VAV3: variants seen among roughly 807,000 people sequenced by gnomAD.
The protein encoded by VAV3 is guanine nucleotide exchange factor VAV3.
VAV3 carries 94 observed loss-of-function variants against 131.2 expected under a neutral mutation model. The ratio of observed to expected loss-of-function variants is 0.72; its 90% CI spans 0.61 to 0.85. VAV3 has a LOEUF of 0.85. Ranked by LOEUF, VAV3 falls within the 40% of genes least tolerant of loss-of-function variation. The pLI is 0.00. For missense variants in VAV3, 939 were observed against 1,002.7 expected (o/e 0.94, Z 0.86); for synonymous variants, 349 against 342.0 (o/e 1.02, Z -0.22).
intron 25 of VAV3, among the ~76,000 whole-genome samples, chr1:107,577,281 T>C (rs1649726849): frequency 6.6e-6 from 1 of 152,202 alleles, no homozygotes; most frequent in Admixed American, 6.5e-5. Context: ...GACTCCAGGG[T>C]ACCTGCTCTT....
At chr1:107,753,317 T>C (rs529260675) in intron 12 of VAV3, among the ~76,000 whole-genome samples, 3 of 151,506 alleles carry the variant, frequency 2.0e-5, no homozygotes, top group African/African-American at 7.3e-5. Flanking sequence ...AAGAGAAGAA[T>C]GGGAAGTTCA....
intron 2 of VAV3, among the ~76,000 whole-genome samples, chr1:107,803,499 C>T (rs923459040): frequency 2.0e-5 from 3 of 152,016 alleles, no homozygotes; most frequent in African/African-American, 4.8e-5. Flanking sequence ...TTAATTTATT[C>T]ATTGACCCTT....
intron 19 of VAV3, among the ~76,000 whole-genome samples, chr1:107,659,740 G>A (rs916685414): frequency 6.6e-6 from 1 of 152,120 alleles, no homozygotes; most frequent in Non-Finnish European, 1.5e-5. Flanking sequence ...TTAAGGATAT[G>A]CTGTTACCCG....
At chr1:107,633,235 A>G (rs1201130530) in intron 20 of VAV3, among the ~76,000 whole-genome samples, 1 of 151,184 alleles carries the variant, frequency 6.6e-6, no homozygotes, top group African/African-American at 2.5e-5. Flanking sequence ...AAGGTTTAAG[A>G]AAAAAAAGAT....
chr1:107,755,296 C>G, intron 12 of VAV3, 131 bp downstream of exon 12: 1 of 699,992 alleles, frequency 1.4e-6, no homozygotes, highest in Non-Finnish European at 2.4e-6. Flanking sequence ...TGAACACTGC[C>G]AAACAAAGGG....
intron 13 of VAV3, 128 bp downstream of exon 13, chr1:107,750,989 G>A: frequency 2.4e-6 from 2 of 847,976 alleles, no homozygotes; most frequent in South Asian, 3.4e-5. Flanking sequence ...AGAAATCATG[G>A]GTTGGTCTGT....
intron 1 of VAV3, among the ~76,000 whole-genome samples, chr1:107,962,810 A>G (rs79954099): frequency 2.6e-5 from 4 of 152,388 alleles, no homozygotes; most frequent in African/African-American, 9.6e-5. Context: ...AACGGCACAA[A>G]GAAGGTCATT....
At chr1:107,908,504 G>A (rs2101110409) in intron 1 of VAV3, among the ~76,000 whole-genome samples, 1 of 152,228 alleles carries the variant, frequency 6.6e-6, no homozygotes, top group South Asian at 2.1e-4. Context: ...TAGTATGTGA[G>A]ATGATAAGTG....
Position 107,762,599 on chromosome 1 carries a change from G to T in VAV3, c.922-1720C>A, listed in dbSNP as rs72979677. Among the ~76,000 whole-genome samples, 1,038 of 152,160 alleles carry T rather than the reference G, an allele frequency of 6.8e-3. 10 individuals are homozygous for T. Among genetic ancestry groups the T allele is most frequent in the African/African-American group, 0.024 (987 of 41,492 alleles). ...TCCTCTGCTGCATTTTAAGGCCCTT[G>T]GAATTAAGGTTGTAGCTTATATTTC... On this transcript the variant is annotated intron_variant, in intron 9 of 26. Transcript: ENST00000370056.
chr1:107,624,838 G>T (rs1186651897), intron 20 of VAV3, among the ~76,000 whole-genome samples: 1 of 152,118 alleles, frequency 6.6e-6, no homozygotes, highest in Non-Finnish European at 1.5e-5. Context: ...TACATACTAA[G>T]GAATTAAAAA....
chr1:107,777,195 G>A (rs1303815573), intron 4 of VAV3, 36 bp downstream of exon 4: 1 of 1,570,658 alleles, frequency 6.4e-7, no homozygotes. Flanking sequence ...ACATAAATTG[G>A]CAGTGGCTAA....
chr1:107,610,400 TTTA>T (rs1652640052), intron 21 of VAV3, among the ~76,000 whole-genome samples: 1 of 152,134 alleles, frequency 6.6e-6, no homozygotes, highest in African/African-American at 2.4e-5. Flanking sequence ...TATTTTATTA[TTTA>T]TTATCAAGGC....
At chr1:107,825,365 C>T (rs927971359) in intron 2 of VAV3, among the ~76,000 whole-genome samples, 4 of 150,258 alleles carry the variant, frequency 2.7e-5, no homozygotes, top group Non-Finnish European at 5.9e-5. Context: ...AATGCAGAAA[C>T]AAAGAGAAAA....
intron 19 of VAV3, among the ~76,000 whole-genome samples, chr1:107,666,412 G>A (rs1024043298): frequency 4.6e-5 from 7 of 152,156 alleles, no homozygotes; most frequent in Non-Finnish European, 8.8e-5. Context: ...GGAAATTGGT[G>A]TGTGGGCTTT....
chr1:107,795,944 G>T lies in VAV3; in HGVS notation c.322-16452C>A, dbSNP rs550803617. Among the ~76,000 whole-genome samples the T allele has an allele frequency of 6.6e-5, 10 of 152,270 alleles. No individual in the cohort carries two copies. In the South Asian group the frequency reaches 2.1e-3, roughly 32 times the overall value. On this transcript the variant is annotated intron_variant, in intron 2 of 26. Coordinates refer to ENST00000370056, the MANE Select transcript of VAV3 (RefSeq NM_006113.5). Reference sequence around the variant, plus strand: ...ATTCCCATACTGATCTCACCTCATTGCTAACGCCCATCCCATTAAATCCTA... The same window carrying T: ...ATTCCCATACTGATCTCACCTCATTTCTAACGCCCATCCCATTAAATCCTA...
intron 1 of VAV3, among the ~76,000 whole-genome samples, chr1:107,940,535 G>A (rs901624502): frequency 5.9e-5 from 9 of 152,120 alleles, no homozygotes; most frequent in Admixed American, 1.3e-4. Flanking sequence ...GGATGCCTGC[G>A]AAACTATGCC....
chr1:107,942,977 T>C (rs1298499335), intron 1 of VAV3, among the ~76,000 whole-genome samples: 1 of 152,242 alleles, frequency 6.6e-6, no homozygotes, highest in African/African-American at 2.4e-5. Context: ...GAGGAACTTC[T>C]GTTGGGGTAT....
chr1:107,652,744 G>A (rs1656268602), intron 19 of VAV3, among the ~76,000 whole-genome samples: 1 of 152,022 alleles, frequency 6.6e-6, no homozygotes, highest in African/African-American at 2.4e-5. Context: ...ACTGCCACTT[G>A]ATCATTAGTT....
chr1:107,819,382 G>T (rs1479487321), intron 2 of VAV3, among the ~76,000 whole-genome samples: 1 of 151,884 alleles, frequency 6.6e-6, no homozygotes, highest in Non-Finnish European at 1.5e-5. Context: ...AAGAGAAAAT[G>T]ATATTAGAGA....
Sources: gnomAD v4.1 joint callset for allele counts (sites outside exome capture counted in the v4.1 genomes callset) on GRCh38, gnomAD v4.1.1 for gene constraint, MANE v1.5 for transcripts, NCBI Gene and HGNC (gene_info 2026-07-23, HGNC 2026-07-21) for gene names.